Variants in CEP128 observed in about 807,000 individuals in gnomAD.
CEP128 encodes the protein centrosomal protein 128kDa.
CEP128 carries 132 observed loss-of-function variants against 156.7 expected under a neutral mutation model. The ratio of observed to expected loss-of-function variants is 0.84; its 90% CI spans 0.73 to 0.97. The LOEUF (loss-of-function observed/expected upper bound fraction) is 0.97, where lower values mean the gene tolerates loss of function less well. Among genes scored for constraint, CEP128 ranks in the 50% least tolerant of loss-of-function variants. The probability of loss-of-function intolerance (pLI) is 0.00; values close to 1 mark genes in which losing one functional copy is unlikely to be tolerated. For synonymous variants in CEP128, 469 were observed against 448.9 expected (o/e 1.04, Z -0.57); for missense variants, 1,252 against 1,281.9 (o/e 0.98, Z 0.36).
intron 19 of CEP128, among the ~76,000 whole-genome samples, chr14:80,738,592 T>A (rs1348470586): frequency 6.6e-6 from 1 of 152,206 alleles, no homozygotes; most frequent in African/African-American, 2.4e-5. Context: ...AATCACTGCC[T>A]GTCAACTGCA....
downstream of CEP128, among the ~76,000 whole-genome samples, chr14:80,488,546 C>G (rs1219694640): frequency 4.0e-5 from 6 of 151,732 alleles, no homozygotes; most frequent in Admixed American, 3.3e-4. Context: ...GGACTGTAAA[C>G]TAGTTCAACC....
At chr14:80,708,180 C>T (rs866302134) in intron 19 of CEP128, among the ~76,000 whole-genome samples, 1 of 151,966 alleles carries the variant, frequency 6.6e-6, no homozygotes, top group African/African-American at 2.4e-5. Context: ...GCATAAGAAG[C>T]GTTATTTACT....
intron 19 of CEP128, among the ~76,000 whole-genome samples, chr14:80,630,409 A>G (rs897042361): frequency 6.6e-6 from 1 of 151,992 alleles, no homozygotes; most frequent in South Asian, 2.1e-4. Context: ...AAAATTTTAT[A>G]GGCATTAGAG....
intron 18 of CEP128, among the ~76,000 whole-genome samples, chr14:80,756,490 A>G (rs1899665259): frequency 6.6e-6 from 1 of 152,098 alleles, no homozygotes; most frequent in African/African-American, 2.4e-5. Flanking sequence ...AGAACTACAT[A>G]TTTTTGCAAG....
chr14:80,766,541 T>C lies in CEP128; in HGVS notation c.2377-4928A>G, dbSNP rs191776852. Reference sequence around the variant, plus strand: ...TAACACAAGAGCATGTCCAAAATAGTATCTCTTTGGTAAAAGGTTATGAGA... The same window carrying C: ...TAACACAAGAGCATGTCCAAAATAGCATCTCTTTGGTAAAAGGTTATGAGA... On this transcript the variant is annotated intron_variant, in intron 16 of 24. Coordinates refer to ENST00000555265, the MANE Select transcript of CEP128 (RefSeq NM_152446.5). 9.6e-4 allele frequency among the ~76,000 whole-genome samples: 146 copies of C among 152,256 alleles called. 1 individual carries two copies. In the East Asian group the frequency reaches 0.024, roughly 25 times the overall value.
At chr14:80,910,355 T>C (rs1160310296) in intron 4 of CEP128, among the ~76,000 whole-genome samples, 1 of 152,190 alleles carries the variant, frequency 6.6e-6, no homozygotes, top group Non-Finnish European at 1.5e-5. Context: ...AAGTGGAGCC[T>C]GGTGAGAGGT....
At chr14:80,478,015 CCT>C (rs1420060393) in exon 15 of CEP128, 2 of 152,156 alleles carry the variant, frequency 1.3e-5, no homozygotes, top group African/African-American at 4.8e-5. Context: ...CCCATTCCTC[CCT>C]CTCTTCCTGG....
intron 19 of CEP128, among the ~76,000 whole-genome samples, chr14:80,739,477 C>T (rs546769020): frequency 6.6e-6 from 1 of 152,236 alleles, no homozygotes; most frequent in East Asian, 1.9e-4. Flanking sequence ...GCTAAACTTC[C>T]ACCTGTTCGA....
chr14:80,668,929 T>G (rs1253192562), intron 19 of CEP128, among the ~76,000 whole-genome samples: 1 of 152,200 alleles, frequency 6.6e-6, no homozygotes, highest in Non-Finnish European at 1.5e-5. Flanking sequence ...CCTGCCACCA[T>G]GTAAGACATG....
At chr14:80,509,169 T>C (rs1164917240) in intron 23 of CEP128, among the ~76,000 whole-genome samples, 1 of 152,286 alleles carries the variant, frequency 6.6e-6, no homozygotes, top group East Asian at 1.9e-4. Flanking sequence ...AGAAGTGAGA[T>C]ACCTAGCTGG....
chr14:80,624,000 C>T (rs1448456745), intron 19 of CEP128, among the ~76,000 whole-genome samples: 1 of 152,166 alleles, frequency 6.6e-6, no homozygotes, highest in Non-Finnish European at 1.5e-5. Context: ...ATTCACCTGA[C>T]ACTGCTACAG....
chr14:80,894,022 C>T (rs925949398), intron 8 of CEP128, among the ~76,000 whole-genome samples: 1 of 152,056 alleles, frequency 6.6e-6, no homozygotes, highest in Non-Finnish European at 1.5e-5. Context: ...GTAAATATCA[C>T]ATCTAAATGT....
At chr14:80,883,880 A>G (rs1401130606) in intron 8 of CEP128, among the ~76,000 whole-genome samples, 1 of 152,160 alleles carries the variant, frequency 6.6e-6, no homozygotes, top group African/African-American at 2.4e-5. Flanking sequence ...TAGAAACAGA[A>G]ACATAGACCA....
chr14:80,728,971 G>A (rs576161453), intron 19 of CEP128, among the ~76,000 whole-genome samples: 8 of 151,976 alleles, frequency 5.3e-5, no homozygotes, highest in South Asian at 4.2e-4. Flanking sequence ...TTGGTTAAAC[G>A]CATCACTGAG....
chr14:80,758,128 G>A (rs1899762211), intron 17 of CEP128, among the ~76,000 whole-genome samples: 1 of 152,170 alleles, frequency 6.6e-6, no homozygotes, highest in Non-Finnish European at 1.5e-5. Flanking sequence ...AGATATTAAT[G>A]TTTAATATCA....
intron 19 of CEP128, among the ~76,000 whole-genome samples, chr14:80,672,354 T>TA (rs33944762): frequency 3.3e-4 from 49 of 150,018 alleles, no homozygotes; most frequent in Non-Finnish European, 4.2e-4. Context: ...ATGTCTTTTT[T>TA]AAAAAAAAAA....
intron 21 of CEP128, among the ~76,000 whole-genome samples, chr14:80,544,390 C>A (rs923243530): frequency 1.3e-5 from 2 of 152,148 alleles, no homozygotes; most frequent in African/African-American, 2.4e-5. Flanking sequence ...AAGGCTCCAG[C>A]AGATCTTGTG....
At position 80,757,856 on chromosome 14, in the gene CEP128, T is replaced by A. The variant is rs576464795; in HGVS notation, c.2554-905A>T. 2.6e-5 allele frequency among the ~76,000 whole-genome samples: 4 copies of A among 152,322 alleles called. No individual in the cohort carries two copies. In the South Asian group the frequency reaches 8.3e-4, roughly 32 times the overall value. On this transcript the variant is annotated intron_variant, in intron 17 of 24. Transcript: ENST00000555265. ...ATGAGTGCCCACCACATATCACATA[T>A]GTGAATATTGTATTCTTATATCCAA... is the stretch of plus-strand genomic sequence containing the variant.
intron 12 of CEP128, 33 bp from the exon 13 acceptor site, chr14:80,831,327 T>A: frequency 6.2e-7 from 1 of 1,607,726 alleles, no homozygotes; most frequent in Non-Finnish European, 8.5e-7. Context: ...TCAAGGGTTG[T>A]TCTTTATTCA....
Sources: allele counts gnomAD v4.1 joint callset (sites outside exome capture counted in the v4.1 genomes callset), GRCh38; gene constraint gnomAD v4.1.1; transcripts MANE v1.5; gene names NCBI Gene and HGNC (gene_info 2026-07-23, HGNC 2026-07-21).